Variants in MKLN1 observed in about 807,000 individuals in gnomAD.
MKLN1 encodes the protein muskelin 1.
In MKLN1, 18 loss-of-function variants were observed where a neutral mutation model predicts 99.0. The ratio of observed to expected loss-of-function variants is 0.18; its 90% CI spans 0.13 to 0.27. MKLN1 has a LOEUF of 0.27. Among genes scored for constraint, MKLN1 ranks in the 10% least tolerant of loss-of-function variants. The probability of loss-of-function intolerance (pLI) is 1.00; values close to 1 mark genes in which losing one functional copy is unlikely to be tolerated. For missense variants in MKLN1, 621 were observed against 875.9 expected, an observed-to-expected ratio of 0.71 and a Z score of 3.67; for synonymous variants, 288 against 293.2, an observed-to-expected ratio of 0.98 and a Z score of 0.18.
At chr7:131,131,032 A>G (rs1795541641) in intron 1 of MKLN1, among the ~76,000 whole-genome samples, 1 of 134,692 alleles carries the variant, frequency 7.4e-6, no homozygotes, top group East Asian at 2.3e-4. Flanking sequence ...AGCCTGGGCA[A>G]CAGAGGGAGA....
At chr7:131,149,005 C>A (rs538059030) in intron 2 of MKLN1, among the ~76,000 whole-genome samples, 1 of 152,222 alleles carries the variant, frequency 6.6e-6, no homozygotes, top group East Asian at 1.9e-4. Flanking sequence ...GAGATTTGGT[C>A]ATTTTAAAAT....
intron 2 of MKLN1, among the ~76,000 whole-genome samples, chr7:131,145,349 T>C (rs1795802312): frequency 6.6e-6 from 1 of 152,102 alleles, no homozygotes; most frequent in South Asian, 2.1e-4. Flanking sequence ...AGATTTACAG[T>C]CTCCTGTTGA....
At chr7:131,210,747 AGGGAGGGAGGGGAGGG>A (rs1563253588) in intron 3 of MKLN1, among the ~76,000 whole-genome samples, 1 of 54 alleles carries the variant, frequency 0.019, no homozygotes, top group African/African-American at 0.25. Context: ...GAAGGGAGGG[AGGGAGGGAGGGGAGGG>A]GGGAGGGGAG....
At position 131,118,693 on chromosome 7, in the gene MKLN1, G is replaced by A. The variant is rs1000838602; in HGVS notation, c.-419+8486G>A. On this transcript the variant is annotated intron_variant, in intron 1 of 7. Coordinates refer to the MKLN1 transcript ENST00000416992. ...GAGGTCTCCGGAAACTTACAATCATGGCGAAAGGTGAAGAGGAAGCAAACA... is the reference window on the plus strand; with the variant it reads ...GAGGTCTCCGGAAACTTACAATCATAGCGAAAGGTGAAGAGGAAGCAAACA... 3.9e-5 allele frequency among the ~76,000 whole-genome samples: 6 copies of A among 152,166 alleles called. No homozygotes were observed. In the East Asian group the frequency reaches 9.6e-4, roughly 24 times the overall value.
intron 2 of MKLN1, among the ~76,000 whole-genome samples, chr7:131,179,602 G>T (rs1166642920): frequency 1.3e-5 from 2 of 151,844 alleles, no homozygotes; most frequent in Admixed American, 6.6e-5. Flanking sequence ...TTGAGATAGG[G>T]TCTTGCTCTG....
intron 3 of MKLN1, among the ~76,000 whole-genome samples, chr7:131,204,150 G>A (rs1584831735): frequency 1.3e-5 from 2 of 152,080 alleles, no homozygotes; most frequent in African/African-American, 2.4e-5. Flanking sequence ...ATCTGGCCTG[G>A]GTTGATGTTC....
intron 2 of MKLN1, among the ~76,000 whole-genome samples, chr7:131,172,704 C>A (rs1796234407): frequency 6.6e-6 from 1 of 152,164 alleles, no homozygotes; most frequent in South Asian, 2.1e-4. Context: ...CCATGAAAAG[C>A]CACGGAACTG....
intron 1 of MKLN1, among the ~76,000 whole-genome samples, chr7:131,111,532 A>G (rs767111820): frequency 3.9e-5 from 6 of 152,202 alleles, no homozygotes; most frequent in South Asian, 2.1e-4. Flanking sequence ...TTGGAAAGAA[A>G]TCTTTGCTTC....
intron 1 of MKLN1, among the ~76,000 whole-genome samples, chr7:131,123,790 A>AC (rs1457433042): frequency 2.0e-5 from 3 of 149,900 alleles, no homozygotes; most frequent in African/African-American, 4.9e-5. Context: ...TCTGTCTCAA[A>AC]AAAAAAAAAA....
At chr7:131,455,351 T>G (rs1034022586) in intron 12 of MKLN1, among the ~76,000 whole-genome samples, 9 of 152,184 alleles carry the variant, frequency 5.9e-5, no homozygotes, top group Non-Finnish European at 1.2e-4. Context: ...AGAGAAAAGA[T>G]GTGATTCAGA....
intron 1 of MKLN1, among the ~76,000 whole-genome samples, chr7:131,111,989 C>G (rs1795209952): frequency 6.6e-6 from 1 of 152,218 alleles, no homozygotes; most frequent in Non-Finnish European, 1.5e-5. Flanking sequence ...ACCAATTCCT[C>G]TATGTCCCTG....
intron 3 of MKLN1, among the ~76,000 whole-genome samples, chr7:131,269,745 T>G (rs1230323555): frequency 6.6e-6 from 1 of 152,230 alleles, no homozygotes; most frequent in African/African-American, 2.4e-5. Flanking sequence ...CCATTTGTCC[T>G]CATTTACTCA....
chr7:131,125,832 G>A (rs981272285), intron 1 of MKLN1, among the ~76,000 whole-genome samples: 54 of 151,520 alleles, frequency 3.6e-4, no homozygotes, highest in African/African-American at 1.1e-3. Flanking sequence ...GTGAAACCCC[G>A]TCTCTGTTAA....
rs770603737 is a variant in MKLN1 at position 131,445,759 on chromosome 7, T to TC, written c.1396-15_1396-14insC. The TC allele has an allele frequency of 1.3e-6, 2 of 1,582,688 alleles. No individual in the cohort carries two copies. Among genetic ancestry groups the TC allele is most frequent in the Non-Finnish European group, 1.7e-6 (2 of 1,167,002 alleles). On this transcript the variant is annotated splice_polypyrimidine_tract_variant and intron_variant, in intron 11 of 17. Transcript: ENST00000352689. ...GATAAGTTACTCCTTTCTTTTTTTT[T>TC]TTCTTCTTTTTCAGAAAAATCGTTG...
At chr7:131,275,557 ATATATATATATTTTTTTTT>A (rs1313049508) in intron 3 of MKLN1, among the ~76,000 whole-genome samples, 56 of 15,660 alleles carry the variant, frequency 3.6e-3, no homozygotes, top group African/African-American at 0.014. Flanking sequence ...ATATATATAT[ATATATATATATTTTTTTTT>A]TTTTTTTTTT....
chr7:131,417,661 T>G (rs1056642996), intron 8 of MKLN1, among the ~76,000 whole-genome samples: 9 of 152,224 alleles, frequency 5.9e-5, no homozygotes, highest in Non-Finnish European at 1.3e-4. Flanking sequence ...TTTTTGTTTT[T>G]ATTTTTTACG....
intron 3 of MKLN1, among the ~76,000 whole-genome samples, chr7:131,237,003 C>CA (rs896260080): frequency 5.9e-5 from 9 of 151,808 alleles, no homozygotes; most frequent in East Asian, 3.9e-4. Flanking sequence ...AAAGAAAAGA[C>CA]AAAAAAAATG....
intron 3 of MKLN1, among the ~76,000 whole-genome samples, chr7:131,223,844 C>CCA (rs1563257941): frequency 6.6e-6 from 1 of 151,962 alleles, no homozygotes; most frequent in African/African-American, 2.4e-5. Flanking sequence ...TCGGCTTACT[C>CCA]CAGCCTCCGC....
At chr7:131,119,476 C>T (rs1253209014) in intron 1 of MKLN1, among the ~76,000 whole-genome samples, 2 of 152,208 alleles carry the variant, frequency 1.3e-5, no homozygotes, top group Non-Finnish European at 2.9e-5. Flanking sequence ...GACAGTGGCC[C>T]TTTTCTTACA....
Sources: allele counts gnomAD v4.1 joint callset (sites outside exome capture counted in the v4.1 genomes callset), GRCh38; gene constraint gnomAD v4.1.1; transcripts MANE v1.5; gene names NCBI Gene and HGNC (gene_info 2026-07-23, HGNC 2026-07-21).